NKAIN2: variants seen among roughly 807,000 people sequenced by gnomAD.
The protein encoded by NKAIN2 is sodium/potassium transporting ATPase interacting 2, also known as sodium/potassium-transporting ATPase subunit beta-1-interacting protein 2.
A neutral mutation model predicts 32.6 loss-of-function variants in NKAIN2; 14 were observed. That is an observed-to-expected ratio of 0.43 (90% confidence interval 0.28 to 0.67). NKAIN2 has a LOEUF of 0.67. Among genes scored for constraint, NKAIN2 ranks in the 30% least tolerant of loss-of-function variants. The probability of loss-of-function intolerance (pLI) is 0.17; values close to 1 mark genes in which losing one functional copy is unlikely to be tolerated. For synonymous variants in NKAIN2, 80 were observed against 87.2 expected, an observed-to-expected ratio of 0.92 and a Z score of 0.46; for missense variants, 198 against 258.3, an observed-to-expected ratio of 0.77 and a Z score of 1.60.
chr6:124,424,001 T>C (rs1412877555), intron 3 of NKAIN2, among the ~76,000 whole-genome samples: 2 of 152,214 alleles, frequency 1.3e-5, no homozygotes, highest in African/African-American at 4.8e-5. Context: ...TTTAACTTTT[T>C]TATTTTTTTG....
rs1444627783 is a variant in NKAIN2 at position 124,712,499 on chromosome 6, G to T, written c.474+54113G>T. 1.7e-5 allele frequency among the ~76,000 whole-genome samples: 2 copies of T among 115,432 alleles called. 1 individual carries two copies. Among genetic ancestry groups the T allele is most frequent in the African/African-American group, 7.2e-5 (2 of 27,806 alleles). The allele number at this position is 115,432 out of a possible 152,430, so 75.7% of individuals were successfully genotyped here. A position where few individuals can be genotyped will look rare whatever the true frequency, so the allele number is the denominator to read the frequency against. On this transcript the variant is annotated intron_variant, in intron 4 of 6. Transcript: ENST00000368417. ...CGTGGGCGTAGGACCCTCCAAGCCA[G>T]GTGCAGGATATAATCTGGTGGTGTG...
chr6:124,802,001 A>G (rs1380296195), intron 5 of NKAIN2, among the ~76,000 whole-genome samples: 2 of 152,162 alleles, frequency 1.3e-5, no homozygotes, highest in Non-Finnish European at 2.9e-5. Context: ...TACCAATAAA[A>G]ATGTTAGAGT....
intron 1 of NKAIN2, among the ~76,000 whole-genome samples, chr6:124,053,558 G>A (rs977425957): frequency 2.0e-5 from 3 of 151,948 alleles, no homozygotes; most frequent in African/African-American, 4.8e-5. Flanking sequence ...CAGCCCCCAA[G>A]GAGAGGCAGT....
intron 1 of NKAIN2, among the ~76,000 whole-genome samples, chr6:124,036,088 C>A (rs995293010): frequency 3.3e-5 from 5 of 152,056 alleles, no homozygotes; most frequent in African/African-American, 9.7e-5. Flanking sequence ...ATTAGGAATT[C>A]TCTGTTATGC....
intron 1 of NKAIN2, among the ~76,000 whole-genome samples, chr6:124,061,543 C>T (rs1011649186): frequency 2.3e-4 from 35 of 152,038 alleles, no homozygotes; most frequent in African/African-American, 8.5e-4. Flanking sequence ...TATGAAAAGG[C>T]AAGAAGTCTT....
intron 3 of NKAIN2, among the ~76,000 whole-genome samples, chr6:124,473,317 T>C (rs865918342): frequency 6.6e-6 from 1 of 152,160 alleles, no homozygotes; most frequent in East Asian, 1.9e-4. Context: ...GCTTCTGTAA[T>C]TGCACTTTCC....
chr6:124,353,598 C>CA (rs1400960935), intron 2 of NKAIN2, among the ~76,000 whole-genome samples: 1 of 151,826 alleles, frequency 6.6e-6, no homozygotes, highest in Non-Finnish European at 1.5e-5. Flanking sequence ...ACTAAAAATA[C>CA]AAAAAAATTA....
intron 3 of NKAIN2, among the ~76,000 whole-genome samples, chr6:124,459,880 T>C (rs1776465395): frequency 6.6e-6 from 1 of 151,830 alleles, no homozygotes; most frequent in African/African-American, 2.4e-5. Context: ...TTTATATTTA[T>C]TGTCATTACT....
intron 1 of NKAIN2, among the ~76,000 whole-genome samples, chr6:124,004,542 T>A (rs985143178): frequency 2.0e-5 from 3 of 151,834 alleles, no homozygotes; most frequent in Non-Finnish European, 4.4e-5. Flanking sequence ...ATTAAAAAAA[T>A]TTTCAGTTTG....
At chr6:124,407,310 G>A (rs1773906924) in intron 3 of NKAIN2, among the ~76,000 whole-genome samples, 1 of 151,288 alleles carries the variant, frequency 6.6e-6, no homozygotes, top group Admixed American at 6.6e-5. Flanking sequence ...TCGTCATTTA[G>A]CATTAGGTAT....
intron 4 of NKAIN2, among the ~76,000 whole-genome samples, chr6:124,742,607 GT>G (rs1194517883): frequency 2.0e-5 from 3 of 151,752 alleles, no homozygotes; most frequent in African/African-American, 7.3e-5. Context: ...ATATATATTG[GT>G]TCTCTTTTTG....
chr6:124,013,464 T>C (rs1780428486), intron 1 of NKAIN2, among the ~76,000 whole-genome samples: 1 of 152,218 alleles, frequency 6.6e-6, no homozygotes, highest in African/African-American at 2.4e-5. Flanking sequence ...ATTTCTCAAA[T>C]CACTGTTAAG....
intron 1 of NKAIN2, among the ~76,000 whole-genome samples, chr6:124,228,447 G>A (rs138397697): frequency 7.2e-5 from 11 of 152,216 alleles, no homozygotes; most frequent in African/African-American, 2.2e-4. Context: ...TGTTTGTAAG[G>A]CATCCAGGCT....
intron 3 of NKAIN2, among the ~76,000 whole-genome samples, chr6:124,440,971 C>T (rs941989481): frequency 6.6e-6 from 1 of 152,076 alleles, no homozygotes; most frequent in African/African-American, 2.4e-5. Flanking sequence ...CATGGACACA[C>T]AGTGCCATAT....
chr6:124,122,096 C>T (rs1303297309), intron 1 of NKAIN2, among the ~76,000 whole-genome samples: 1 of 151,860 alleles, frequency 6.6e-6, no homozygotes, highest in Non-Finnish European at 1.5e-5. Flanking sequence ...ATGTATTTTT[C>T]TGGCTCTGAA....
intron 3 of NKAIN2, among the ~76,000 whole-genome samples, chr6:124,368,371 C>A (rs1355106837): frequency 6.6e-6 from 1 of 152,104 alleles, no homozygotes; most frequent in South Asian, 2.1e-4. Flanking sequence ...GCTACAGTTC[C>A]TATGACTCTA....
intron 3 of NKAIN2, among the ~76,000 whole-genome samples, chr6:124,464,836 C>T (rs1032266978): frequency 3.9e-5 from 6 of 151,910 alleles, no homozygotes; most frequent in African/African-American, 1.5e-4. Context: ...TTAGGATTGT[C>T]TTGGCTATAT....
chr6:124,427,299 C>T lies in NKAIN2; in HGVS notation c.273+71952C>T, dbSNP rs147644659. On this transcript the variant is annotated intron_variant, in intron 3 of 6. Transcript: ENST00000368417. ...ATGAACAGATAAATTGTGATGTATC[C>T]ATACCATTCAATGATATTCAGCAAT... Among the ~76,000 whole-genome samples the T allele has an allele frequency of 2.4e-3, 359 of 152,096 alleles. 1 individual carries two copies. The highest frequency in any genetic ancestry group is 8.3e-3 in the African/African-American group (346 of 41,506).
intron 1 of NKAIN2, among the ~76,000 whole-genome samples, chr6:124,226,068 A>G (rs538394389): frequency 6.6e-6 from 1 of 152,182 alleles, no homozygotes; most frequent in African/African-American, 2.4e-5. Context: ...GCCTAAGTCC[A>G]GTGTCACAGG....
Sources: allele counts gnomAD v4.1 joint callset (sites outside exome capture counted in the v4.1 genomes callset), GRCh38; gene constraint gnomAD v4.1.1; transcripts MANE v1.5; gene names NCBI Gene and HGNC (gene_info 2026-07-23, HGNC 2026-07-21).